The following PCDHA3 variants were observed in gnomAD, a reference collection of about 807,000 sequenced individuals.
The protein encoded by PCDHA3 is protocadherin alpha 3.
PCDHA3 carries 41 observed loss-of-function variants against 62.2 expected under a neutral mutation model. The observed-to-expected ratio is 0.66, with a 90% CI of 0.51 to 0.86. The LOEUF (loss-of-function observed/expected upper bound fraction) is 0.86, where lower values mean the gene tolerates loss of function less well. Ranked by LOEUF, PCDHA3 falls within the 40% of genes least tolerant of loss-of-function variation. PCDHA3 has a pLI of 0.00. For missense variants in PCDHA3, 1,304 were observed against 1,241.2 expected (o/e 1.05, Z -0.76); for synonymous variants, 640 against 555.4 (o/e 1.15, Z -2.14).
Position 140,914,039 on chromosome 5 carries a change from G to A in PCDHA3, c.2395-64910G>A, listed in dbSNP as rs147787020. Among the ~76,000 whole-genome samples the A allele has an allele frequency of 2.0e-5, 3 of 152,238 alleles. No individual in the cohort carries two copies. In the East Asian group the frequency reaches 5.8e-4, roughly 29 times the overall value. ...ATGATCCACGTGCTGAGAAGAATGT[G>A]TATTCTGCAGCTGTTGGATGAAATG... is the stretch of plus-strand genomic sequence containing the variant. On this transcript the variant is annotated intron_variant, in intron 1 of 3. Coordinates refer to ENST00000522353, the MANE Select transcript of PCDHA3 (RefSeq NM_018906.3).
At chr5:140,805,618 A>G (rs1177703888) in intron 1 of PCDHA3, 1 of 920,188 alleles carries the variant, frequency 1.1e-6, no homozygotes, top group East Asian at 1.2e-4. Context: ...TTTATGTAAG[A>G]AAATGTATTG....
chr5:140,970,078 A>G (rs1260486106), intron 1 of PCDHA3, among the ~76,000 whole-genome samples: 2 of 152,124 alleles, frequency 1.3e-5, no homozygotes, highest in African/African-American at 4.8e-5. Context: ...TGAGTGGATT[A>G]GGGGTGTGGG....
At chr5:140,907,938 T>C (rs2073706734) in intron 1 of PCDHA3, among the ~76,000 whole-genome samples, 1 of 152,206 alleles carries the variant, frequency 6.6e-6, no homozygotes, top group African/African-American at 2.4e-5. Flanking sequence ...TCACATACCT[T>C]TTCCCCAAAT....
chr5:140,836,616 G>A, intron 1 of PCDHA3: 5 of 1,613,694 alleles, frequency 3.1e-6, no homozygotes, highest in Non-Finnish European at 4.2e-6. Context: ...CTCCAGCGCG[G>A]TGGGGAGCTG....
intron 1 of PCDHA3, chr5:140,929,083 A>G (rs1554206659): frequency 1.2e-6 from 2 of 1,614,156 alleles, no homozygotes; most frequent in Admixed American, 3.3e-5. Context: ...TGGAAGTAAG[A>G]TGGTTTCAAA....
At chr5:140,990,367 A>G (rs1162635749) in intron 3 of PCDHA3, among the ~76,000 whole-genome samples, 1 of 152,104 alleles carries the variant, frequency 6.6e-6, no homozygotes, top group Non-Finnish European at 1.5e-5. Context: ...AATCTAATAA[A>G]GCAAATTTGT....
intron 3 of PCDHA3, among the ~76,000 whole-genome samples, chr5:140,991,081 AAAATT>A (rs782742337): frequency 6.6e-6 from 1 of 152,236 alleles, no homozygotes. Flanking sequence ...TTCAGATAAA[AAAATT>A]AAAGCTCATA....
intron 1 of PCDHA3, chr5:140,851,313 C>T: frequency 1.0e-6 from 1 of 998,874 alleles, no homozygotes; most frequent in Non-Finnish European, 1.2e-6. Flanking sequence ...GCAATTGTTA[C>T]CTTGTTAAGT....
intron 1 of PCDHA3, among the ~76,000 whole-genome samples, chr5:140,949,378 A>G (rs2094372256): frequency 6.6e-6 from 1 of 151,852 alleles, no homozygotes; most frequent in South Asian, 2.1e-4. Flanking sequence ...TGTCCTATCA[A>G]TTGCTCAGAG....
chr5:140,852,594 T>G (rs1554145952), intron 1 of PCDHA3: 2 of 893,746 alleles, frequency 2.2e-6, no homozygotes, highest in African/African-American at 3.6e-5. Flanking sequence ...TTTTTTTTTT[T>G]GTCATTTTCT....
chr5:140,877,173 G>A (rs1292615979), intron 1 of PCDHA3: 3 of 1,613,710 alleles, frequency 1.9e-6, no homozygotes, highest in Non-Finnish European at 2.5e-6. Flanking sequence ...CACTGCTGGC[G>A]ACTCCGGCTG....
At chr5:140,882,871 C>T in intron 1 of PCDHA3, 1 of 1,614,164 alleles carries the variant, frequency 6.2e-7, no homozygotes, top group East Asian at 2.2e-5. Flanking sequence ...AAACACTGGA[C>T]AGAGAGGAAA....
intron 1 of PCDHA3, among the ~76,000 whole-genome samples, chr5:140,840,143 C>A (rs1776577709): frequency 2.6e-5 from 4 of 151,842 alleles, no homozygotes; most frequent in Admixed American, 2.6e-4. Flanking sequence ...GAAATTATCA[C>A]ACGTGAAAGG....
intron 1 of PCDHA3, chr5:140,817,519 AT>A (rs1269969982): frequency 6.6e-6 from 1 of 152,064 alleles, no homozygotes; most frequent in Non-Finnish European, 1.5e-5. Context: ...TATTTTATTG[AT>A]TTCCTCTTTT....
At chr5:140,837,391 T>A (rs1444543611) in intron 1 of PCDHA3, among the ~76,000 whole-genome samples, 1 of 152,024 alleles carries the variant, frequency 6.6e-6, no homozygotes, top group East Asian at 1.9e-4. Context: ...GTTCCTTGTT[T>A]GTATAAGAAA....
chr5:140,923,986 G>A (rs1482099424), intron 1 of PCDHA3, among the ~76,000 whole-genome samples: 2 of 152,074 alleles, frequency 1.3e-5, no homozygotes, highest in African/African-American at 2.4e-5. Flanking sequence ...ATCCCTCTAG[G>A]TGCAGCTCAG....
chr5:140,805,138 A>G, intron 1 of PCDHA3: 1 of 1,572,924 alleles, frequency 6.4e-7, no homozygotes, highest in African/African-American at 1.3e-5. Context: ...GACATTTTGA[A>G]GACTTTGGAA....
chr5:141,005,118 C>T (rs546410334), intron 3 of PCDHA3, among the ~76,000 whole-genome samples: 1 of 152,198 alleles, frequency 6.6e-6, no homozygotes, highest in South Asian at 2.1e-4. Flanking sequence ...CTTTAGGGAC[C>T]CCAAAAGTGC....
rs2150225607 is a variant in PCDHA3 at position 140,834,757 on chromosome 5, A to T, written c.2394+31166A>T. 6 of 1,614,016 alleles carry T rather than the reference A, an allele frequency of 3.7e-6. No individual in the cohort carries two copies. The African/African-American group carries it at 6.7e-5, about 18-fold the overall frequency. On this transcript the variant is annotated intron_variant, in intron 1 of 3. Coordinates refer to ENST00000522353, the MANE Select transcript of PCDHA3 (RefSeq NM_018906.3). ...TTCCATGTGGACGTGGAGGTGAAGG[A>T]CATTAACGACAACCCTCCGGTGTTC...
Sources: gnomAD v4.1 joint callset for allele counts (sites outside exome capture counted in the v4.1 genomes callset) on GRCh38, gnomAD v4.1.1 for gene constraint, MANE v1.5 for transcripts, NCBI Gene and HGNC (gene_info 2026-07-23, HGNC 2026-07-21) for gene names.